Variants in CEP128 observed in about 807,000 individuals in gnomAD.
CEP128 encodes centrosomal protein 128kDa.
In CEP128, 132 loss-of-function variants were observed where a neutral mutation model predicts 156.7. That is an observed-to-expected ratio of 0.84 (90% CI 0.73 to 0.97). The LOEUF is 0.97. Ranked by LOEUF, CEP128 falls within the 50% of genes least tolerant of loss-of-function variation. The pLI is 0.00. For synonymous variants in CEP128, 469 were observed against 448.9 expected, an observed-to-expected ratio of 1.04 and a Z score of -0.57; for missense variants, 1,252 against 1,281.9, an observed-to-expected ratio of 0.98 and a Z score of 0.36.
intron 6 of CEP128, among the ~76,000 whole-genome samples, chr14:80,903,411 G>A (rs1883695157): frequency 6.6e-6 from 1 of 151,940 alleles, no homozygotes; most frequent in South Asian, 2.1e-4. Flanking sequence ...AGAAAACATA[G>A]GCAAAAAGCT....
At chr14:80,773,772 A>G (rs327477) in intron 16 of CEP128, among the ~76,000 whole-genome samples, 75,457 of 151,988 alleles carry the variant, frequency 0.5, 19,343 homozygotes, top group African/African-American at 0.6. Flanking sequence ...TAAATGTCAC[A>G]AAAATCAAAA....
At chr14:80,647,516 T>G (rs1188029148) in intron 19 of CEP128, among the ~76,000 whole-genome samples, 2 of 152,110 alleles carry the variant, frequency 1.3e-5, no homozygotes, top group African/African-American at 2.4e-5. Context: ...AGACTCTATA[T>G]TGACTTTTTT....
chr14:80,933,338 G>A (rs1885587831), intron 2 of CEP128, among the ~76,000 whole-genome samples: 1 of 152,170 alleles, frequency 6.6e-6, no homozygotes, highest in South Asian at 2.1e-4. Flanking sequence ...CAACAAGGTA[G>A]GAATCCCAGC....
chr14:80,691,084 C>G (rs1322046417), intron 19 of CEP128, among the ~76,000 whole-genome samples: 1 of 152,076 alleles, frequency 6.6e-6, no homozygotes. Context: ...TGCATTGTAA[C>G]CTATAAATAC....
chr14:80,612,544 A>G (rs779786327), intron 19 of CEP128, among the ~76,000 whole-genome samples: 16 of 152,362 alleles, frequency 1.1e-4, no homozygotes, highest in Admixed American at 2.6e-4. Flanking sequence ...CAATTCAAGA[A>G]TAACAAAGGA....
Position 80,895,800 on chromosome 14 carries a change from A to AAAAG in CEP128, c.573-11_573-10insCTTT. 2 of 1,340,904 alleles carry AAAAG rather than the reference A, an allele frequency of 1.5e-6. No individual in the cohort carries two copies. Among genetic ancestry groups the AAAAG allele is most frequent in the Non-Finnish European group, 2.0e-6 (2 of 1,013,266 alleles). The allele number at this position is 1,340,904 out of a possible 1,614,324, so 83.1% of individuals were successfully genotyped here. A position where few individuals can be genotyped will look rare whatever the true frequency, so the allele number is the denominator to read the frequency against. The stretch of plus-strand genomic sequence containing the variant: ...TGTTTCGGCATCTGACCTAGGAAGA[A>AAAAG]AAAAAAAAAAAAGATTTAAATTTGG... On this transcript the variant is annotated splice_polypyrimidine_tract_variant and intron_variant, in intron 7 of 24. Transcript: ENST00000555265.
intron 23 of CEP128, among the ~76,000 whole-genome samples, chr14:80,505,737 A>G (rs1204325896): frequency 6.6e-6 from 1 of 152,240 alleles, no homozygotes; most frequent in Non-Finnish European, 1.5e-5. Context: ...TAGATTTAAA[A>G]TACGTGTTTA....
intron 8 of CEP128, among the ~76,000 whole-genome samples, chr14:80,880,874 T>C (rs1207497356): frequency 8.1e-6 from 1 of 123,472 alleles, no homozygotes; most frequent in Admixed American, 8.1e-5. Context: ...AAAATAATAA[T>C]AATAATAATA....
intron 14 of CEP128, among the ~76,000 whole-genome samples, chr14:80,478,672 T>G (rs1886992464): frequency 6.6e-6 from 1 of 152,188 alleles, no homozygotes; most frequent in Non-Finnish European, 1.5e-5. Flanking sequence ...TTGTGAGGAT[T>G]GAGTTAAAAT....
intron 19 of CEP128, among the ~76,000 whole-genome samples, chr14:80,587,981 T>C (rs1414469685): frequency 2.6e-5 from 4 of 152,066 alleles, no homozygotes; most frequent in Non-Finnish European, 4.4e-5. Context: ...TGGGTATACA[T>C]TTTGGGGCTC....
intron 14 of CEP128, among the ~76,000 whole-genome samples, chr14:80,484,462 C>T (rs193295934): frequency 3.0e-4 from 46 of 152,252 alleles, no homozygotes; most frequent in African/African-American, 9.9e-4. Flanking sequence ...GGAATTAGCT[C>T]CCATGATGCT....
chr14:80,503,216 T>C (rs1039183097), intron 24 of CEP128, among the ~76,000 whole-genome samples: 2 of 152,202 alleles, frequency 1.3e-5, no homozygotes, highest in African/African-American at 4.8e-5. Context: ...GATTTTACAA[T>C]GTAAACTATA....
At chr14:80,641,696 T>C (rs1368813528) in intron 19 of CEP128, among the ~76,000 whole-genome samples, 1 of 152,196 alleles carries the variant, frequency 6.6e-6, no homozygotes, top group Non-Finnish European at 1.5e-5. Flanking sequence ...AAAGGATTTT[T>C]TTCTCCTTAC....
In CEP128 at chr14:80,785,030, C is replaced by T. The variant is rs769976603; in HGVS notation, c.2076G>A (p.Val692=). The change falls in exon 15 of 25, where the codon GTG becomes GTA. Residue 692 remains valine (V), a synonymous_variant. Coordinates refer to ENST00000555265, the MANE Select transcript of CEP128 (RefSeq NM_152446.5). ...TGAGATCTTTCAGCTCCCTCTGGTG[C>T]ACATCTCGTTCCAGCTTTAACTGTG... ...IITQLKLERD[V]HQRELKDLTS... is the part of the protein sequence containing the mutation. The T allele has an allele frequency of 1.1e-5, 18 of 1,614,082 alleles. No individual in the cohort carries two copies. The Admixed American group carries it at 2.0e-4, about 18-fold the overall frequency.
intron 23 of CEP128, among the ~76,000 whole-genome samples, chr14:80,516,141 T>A (rs1393436089): frequency 6.6e-6 from 1 of 152,182 alleles, no homozygotes; most frequent in Non-Finnish European, 1.5e-5. Flanking sequence ...GTGCTGGGAT[T>A]ACAGGTGTGC....
chr14:80,874,813 T>C (rs1160532049), intron 8 of CEP128, among the ~76,000 whole-genome samples: 1 of 151,848 alleles, frequency 6.6e-6, no homozygotes, highest in African/African-American at 2.4e-5. Context: ...AGAGACGGGG[T>C]TTCACTGTGT....
chr14:80,499,278 G>A, intron 24 of CEP128, among the ~76,000 whole-genome samples: 1 of 152,146 alleles, frequency 6.6e-6, no homozygotes, highest in Non-Finnish European at 1.5e-5. Context: ...AAAATAGTGT[G>A]CTATTCTTGC....
chr14:80,833,308 A>T (rs1165781633), intron 12 of CEP128, among the ~76,000 whole-genome samples: 1 of 151,720 alleles, frequency 6.6e-6, no homozygotes, highest in Non-Finnish European at 1.5e-5. Context: ...GTATGTATAC[A>T]TATATGTATA....
At chr14:80,903,190 G>A (rs1269868369) in intron 6 of CEP128, among the ~76,000 whole-genome samples, 3 of 151,866 alleles carry the variant, frequency 2.0e-5, no homozygotes, top group Non-Finnish European at 4.4e-5. Context: ...GAGAAAACCC[G>A]GAAATAAACA....
Sources: gnomAD v4.1 joint callset for allele counts (sites outside exome capture counted in the v4.1 genomes callset) on GRCh38, gnomAD v4.1.1 for gene constraint, MANE v1.5 for transcripts, NCBI Gene and HGNC (gene_info 2026-07-23, HGNC 2026-07-21) for gene names.